Variants in ZNF804B observed in about 807,000 individuals in gnomAD.
ZNF804B encodes zinc finger 804B.
ZNF804B carries 80 observed loss-of-function variants against 101.4 expected under a neutral mutation model. That is an observed-to-expected ratio of 0.79 (90% CI 0.66 to 0.95). The LOEUF (loss-of-function observed/expected upper bound fraction) is 0.95. Among genes scored for constraint, ZNF804B ranks in the 40% least tolerant of loss-of-function variants. ZNF804B has a pLI of 0.00. For synonymous variants in ZNF804B, 622 were observed against 558.8 expected, an observed-to-expected ratio of 1.11 and a Z score of -1.59; for missense variants, 1,673 against 1,561.9, an observed-to-expected ratio of 1.07 and a Z score of -1.20.
chr7:88,888,694 T>C (rs1479002089), intron 1 of ZNF804B, among the ~76,000 whole-genome samples: 2 of 152,214 alleles, frequency 1.3e-5, no homozygotes, highest in African/African-American at 4.8e-5. Flanking sequence ...ATTTTGATCA[T>C]GCTACTCTGT....
rs558417898 is a variant in ZNF804B at position 88,836,407 on chromosome 7, T to C, written c.108+76323T>C. 4.6e-5 allele frequency among the ~76,000 whole-genome samples: 7 copies of C among 151,870 alleles called. No homozygotes were observed. In the South Asian group the frequency reaches 1.5e-3, roughly 32 times the overall value. On this transcript the variant is annotated intron_variant, in intron 1 of 3. Coordinates refer to ENST00000333190, the MANE Select transcript of ZNF804B (RefSeq NM_181646.5). Reference sequence around the variant, plus strand: ...GATGTGAAAGGCTTGGACTTAAAAGTCCCATGGGGCAGCAAATCAAATCAC... The same window carrying C: ...GATGTGAAAGGCTTGGACTTAAAAGCCCCATGGGGCAGCAAATCAAATCAC...
chr7:88,926,529 C>T (rs573752078), intron 1 of ZNF804B, among the ~76,000 whole-genome samples: 15 of 151,948 alleles, frequency 9.9e-5, no homozygotes, highest in East Asian at 9.7e-4. Flanking sequence ...TACTTGAACC[C>T]GGGAGGCGGA....
At chr7:89,304,545 G>A (rs551736215) in intron 2 of ZNF804B, among the ~76,000 whole-genome samples, 7 of 147,014 alleles carry the variant, frequency 4.8e-5, no homozygotes, top group African/African-American at 1.7e-4. Flanking sequence ...GTGTGTGTAT[G>A]TGTGTGTCTA....
chr7:88,975,568 G>A (rs1793605333), intron 1 of ZNF804B, among the ~76,000 whole-genome samples: 1 of 151,412 alleles, frequency 6.6e-6, no homozygotes. Flanking sequence ...CCATTTGTAT[G>A]TCTGCTTTTG....
At chr7:89,258,283 G>A (rs924521684) in intron 2 of ZNF804B, among the ~76,000 whole-genome samples, 1 of 151,932 alleles carries the variant, frequency 6.6e-6, no homozygotes, top group African/African-American at 2.4e-5. Context: ...TAACCATAGG[G>A]ATCCTGGAAC....
chr7:88,935,747 T>C (rs1049970015), intron 1 of ZNF804B, among the ~76,000 whole-genome samples: 5 of 151,984 alleles, frequency 3.3e-5, no homozygotes, highest in Non-Finnish European at 7.4e-5. Flanking sequence ...CTCATTTGCT[T>C]AGTAGGTGCC....
intron 2 of ZNF804B, among the ~76,000 whole-genome samples, chr7:89,309,408 A>T (rs1790615830): frequency 1.3e-5 from 2 of 152,038 alleles, no homozygotes; most frequent in Admixed American, 1.3e-4. Flanking sequence ...ACTTATCTGT[A>T]TTTTATTTGG....
In ZNF804B at chr7:89,067,237, T is replaced by A. The variant is rs866545186; in HGVS notation, c.109-150918T>A. On this transcript the variant is annotated intron_variant, in intron 1 of 3. Coordinates refer to ENST00000333190, the MANE Select transcript of ZNF804B (RefSeq NM_181646.5). ...GCAAGTCTGAAATCAACAGGGCAGG[T>A]GGTTAGGAAGGGAAGATCCAGGAAG... Among the ~76,000 whole-genome samples the A allele has an allele frequency of 2.0e-5, 3 of 151,984 alleles. No individual in the cohort carries two copies. In the South Asian group the frequency reaches 6.2e-4, roughly 32 times the overall value.
chr7:89,281,083 C>A (rs1455390354), intron 2 of ZNF804B, among the ~76,000 whole-genome samples: 1 of 152,118 alleles, frequency 6.6e-6, no homozygotes, highest in East Asian at 1.9e-4. Flanking sequence ...AAAAGGTAGT[C>A]ATATCATATA....
chr7:89,262,473 C>T lies in ZNF804B; in HGVS notation c.249+44178C>T, dbSNP rs538348352. 1.6e-3 allele frequency among the ~76,000 whole-genome samples: 242 copies of T among 152,196 alleles called. 1 individual carries two copies. The highest frequency in any genetic ancestry group is 5.6e-3 in the African/African-American group (233 of 41,534). On this transcript the variant is annotated intron_variant, in intron 2 of 3. Coordinates refer to ENST00000333190, the MANE Select transcript of ZNF804B (RefSeq NM_181646.5). ...CTTTCTCTTCCTCAAAGGCTTGCTG[C>T]GATGAGTAAGTAAATGAATATATGT...
In ZNF804B at chr7:89,190,604, C is replaced by G. The variant is rs115626009; in HGVS notation, c.109-27551C>G. On this transcript the variant is annotated intron_variant, in intron 1 of 3. Coordinates refer to ENST00000333190, the MANE Select transcript of ZNF804B (RefSeq NM_181646.5). The stretch of plus-strand genomic sequence containing the variant: ...GTTTTGAGAGGTTTCACTCCAAATT[C>G]GAAAGAAGTTCTACTGTGGGCAAAC... 2.0e-4 allele frequency among the ~76,000 whole-genome samples: 30 copies of G among 152,130 alleles called. No individual in the cohort carries two copies. In the East Asian group the frequency reaches 5.6e-3, roughly 28 times the overall value.
At chr7:89,302,742 C>T (rs1790495022) in intron 2 of ZNF804B, among the ~76,000 whole-genome samples, 1 of 151,864 alleles carries the variant, frequency 6.6e-6, no homozygotes, top group South Asian at 2.1e-4. Context: ...TTGTTACTAA[C>T]ACATAAACCA....
In ZNF804B at chr7:88,819,420, C is replaced by T. The variant is rs552265527; in HGVS notation, c.108+59336C>T. The stretch of plus-strand genomic sequence containing the variant: ...TGCTGGAATTACAGGTGTGAGCCAC[C>T]GTGCCTGGCCAGTATGTCCACATTT... On this transcript the variant is annotated intron_variant, in intron 1 of 3. Coordinates refer to ENST00000333190, the MANE Select transcript of ZNF804B (RefSeq NM_181646.5). 2.4e-4 allele frequency among the ~76,000 whole-genome samples: 37 copies of T among 152,176 alleles called. No individual in the cohort carries two copies. The South Asian group carries it at 7.3e-3, about 30-fold the overall frequency.
chr7:88,833,178 A>C (rs1791158632), intron 1 of ZNF804B, among the ~76,000 whole-genome samples: 1 of 41,544 alleles, frequency 2.4e-5, no homozygotes, highest in Non-Finnish European at 3.7e-5. Context: ...CTTCCGCTTA[A>C]AAAAAAGTAA....
At chr7:88,784,765 A>T (rs1790275923) in intron 1 of ZNF804B, among the ~76,000 whole-genome samples, 1 of 152,066 alleles carries the variant, frequency 6.6e-6, no homozygotes, top group Non-Finnish European at 1.5e-5. Context: ...CTTGTTATTA[A>T]ACTTACTTTT....
At chr7:89,085,522 C>T (rs1789784533) in intron 1 of ZNF804B, among the ~76,000 whole-genome samples, 1 of 151,812 alleles carries the variant, frequency 6.6e-6, no homozygotes, top group African/African-American at 2.4e-5. Context: ...AGTATTAATC[C>T]ATGGAACCGT....
chr7:89,227,502 G>A (rs1789112806), intron 2 of ZNF804B, among the ~76,000 whole-genome samples: 1 of 152,138 alleles, frequency 6.6e-6, no homozygotes, highest in Non-Finnish European at 1.5e-5. Context: ...AAAAAAGAAA[G>A]TGAACATATA....
At chr7:89,214,549 T>C (rs1788857931) in intron 1 of ZNF804B, among the ~76,000 whole-genome samples, 1 of 152,196 alleles carries the variant, frequency 6.6e-6, no homozygotes, top group South Asian at 2.1e-4. Context: ...CCTTCAGGCC[T>C]ATTTTTTCAG....
At chr7:89,123,433 C>T (rs1790433998) in intron 1 of ZNF804B, among the ~76,000 whole-genome samples, 2 of 152,146 alleles carry the variant, frequency 1.3e-5, no homozygotes, top group Admixed American at 6.5e-5. Context: ...CAGTGATACA[C>T]TGTAAATCGA....
Sources: allele counts gnomAD v4.1 joint callset (sites outside exome capture counted in the v4.1 genomes callset), GRCh38; gene constraint gnomAD v4.1.1; transcripts MANE v1.5; gene names NCBI Gene and HGNC (gene_info 2026-07-23, HGNC 2026-07-21).